Variants in FOXP2 observed in about 807,000 individuals in gnomAD.
FOXP2 encodes forkhead box protein P2.
In FOXP2, 12 loss-of-function variants were observed where a neutral mutation model predicts 115.8. That is an observed-to-expected ratio of 0.10 (90% CI 0.07 to 0.17). The LOEUF is 0.17. FOXP2 is among the 10% of genes least tolerant of loss of function. The probability of loss-of-function intolerance (pLI) is 1.00; values close to 1 mark genes in which losing one functional copy is unlikely to be tolerated. For missense variants in FOXP2, 629 were observed against 843.5 expected, an observed-to-expected ratio of 0.75 and a Z score of 3.15; for synonymous variants, 328 against 297.7, an observed-to-expected ratio of 1.10 and a Z score of -1.05.
chr7:114,333,786 G>A (rs1211002008), intron 2 of FOXP2, among the ~76,000 whole-genome samples: 1 of 152,046 alleles, frequency 6.6e-6, no homozygotes, highest in Non-Finnish European at 1.5e-5. Context: ...CATTCAGGAG[G>A]CTGAGGCAGG....
intron 1 of FOXP2, among the ~76,000 whole-genome samples, chr7:114,280,962 C>A (rs1404809060): frequency 6.6e-6 from 1 of 152,106 alleles, no homozygotes; most frequent in Non-Finnish European, 1.5e-5. Context: ...ACATGCTTAA[C>A]CTGTCCTTAA....
intron 1 of FOXP2, among the ~76,000 whole-genome samples, chr7:114,201,421 C>T (rs1794061605): frequency 6.6e-6 from 1 of 152,080 alleles, no homozygotes; most frequent in Non-Finnish European, 1.5e-5. Flanking sequence ...ATGTTCATTC[C>T]ACAACATCCC....
At chr7:114,295,255 A>G (rs968075894) in intron 2 of FOXP2, among the ~76,000 whole-genome samples, 1 of 152,176 alleles carries the variant, frequency 6.6e-6, no homozygotes, top group Non-Finnish European at 1.5e-5. Context: ...GCCCATATCA[A>G]GTATGAACCA....
chr7:114,148,558 G>T (rs1792444054), intron 1 of FOXP2, among the ~76,000 whole-genome samples: 1 of 152,120 alleles, frequency 6.6e-6, no homozygotes, highest in South Asian at 2.1e-4. Flanking sequence ...GCATTAGTTG[G>T]TGCAGAGGAA....
chr7:114,254,833 C>T (rs1463277212), intron 1 of FOXP2, among the ~76,000 whole-genome samples: 3 of 152,172 alleles, frequency 2.0e-5, no homozygotes, highest in Non-Finnish European at 1.5e-5. Context: ...CCATTGCTGG[C>T]GAGGAGCTGC....
At chr7:114,271,183 T>C (rs1796025132) in intron 1 of FOXP2, among the ~76,000 whole-genome samples, 1 of 151,928 alleles carries the variant, frequency 6.6e-6, no homozygotes, top group Non-Finnish European at 1.5e-5. Flanking sequence ...TTTTGCTGAT[T>C]CTTTCAGATT....
Position 114,423,966 on chromosome 7 carries a change from AC to A in FOXP2, c.-10-2535del, listed in dbSNP as rs1383140967. 2.0e-5 allele frequency among the ~76,000 whole-genome samples: 3 copies of A among 151,532 alleles called. No individual in the cohort carries two copies. The Admixed American group carries it at 2.0e-4, about 10-fold the overall frequency. On this transcript the variant is annotated intron_variant, in intron 1 of 16. Transcript: ENST00000350908. Reference sequence around the variant, plus strand: ...ACTCCTCTTTTGTAGAGCAAAAAGTACTATCACTGTTATAGTTTTCTTAAGC... The same window carrying A: ...ACTCCTCTTTTGTAGAGCAAAAAGTATATCACTGTTATAGTTTTCTTAAGC...
chr7:114,605,053 C>G (rs1445951623), intron 3 of FOXP2, among the ~76,000 whole-genome samples: 1 of 152,146 alleles, frequency 6.6e-6, no homozygotes, highest in Non-Finnish European at 1.5e-5. Flanking sequence ...TTTCTAAATG[C>G]TATACAAATA....
At chr7:114,182,086 T>G (rs1034675934) in intron 1 of FOXP2, among the ~76,000 whole-genome samples, 3 of 152,112 alleles carry the variant, frequency 2.0e-5, no homozygotes, top group African/African-American at 4.8e-5. Flanking sequence ...TGTTAACTTC[T>G]TTTGAACAAA....
At chr7:114,399,406 C>T (rs1284790213) in intron 2 of FOXP2, among the ~76,000 whole-genome samples, 1 of 152,124 alleles carries the variant, frequency 6.6e-6, no homozygotes, top group African/African-American at 2.4e-5. Flanking sequence ...ATGCACCCAG[C>T]CTTCACTTAT....
At chr7:114,500,813 T>C (rs903177758) in intron 2 of FOXP2, among the ~76,000 whole-genome samples, 1 of 152,202 alleles carries the variant, frequency 6.6e-6, no homozygotes, top group Non-Finnish European at 1.5e-5. Context: ...TGATTCGTAA[T>C]AGTGCAATTA....
chr7:114,315,311 G>T (rs543985546), intron 2 of FOXP2, among the ~76,000 whole-genome samples: 1 of 152,200 alleles, frequency 6.6e-6, no homozygotes, highest in South Asian at 2.1e-4. Context: ...TATTATAGAA[G>T]AGGAGTCTGA....
chr7:114,245,250 C>T (rs1795251955), intron 1 of FOXP2, among the ~76,000 whole-genome samples: 1 of 152,148 alleles, frequency 6.6e-6, no homozygotes, highest in South Asian at 2.1e-4. Flanking sequence ...AAGTGAATTA[C>T]ACAGTGCCTT....
intron 2 of FOXP2, among the ~76,000 whole-genome samples, chr7:114,371,466 T>G (rs1250862319): frequency 6.6e-6 from 1 of 151,914 alleles, no homozygotes; most frequent in Non-Finnish European, 1.5e-5. Context: ...AAATATAGAA[T>G]AAAAATAAAT....
intron 1 of FOXP2, among the ~76,000 whole-genome samples, chr7:114,150,780 C>T (rs974504283): frequency 9.9e-5 from 15 of 151,910 alleles, no homozygotes; most frequent in African/African-American, 3.4e-4. Flanking sequence ...TATCAATTTT[C>T]TCTCTTTGGC....
intron 2 of FOXP2, among the ~76,000 whole-genome samples, chr7:114,380,590 T>C (rs1792265673): frequency 6.6e-6 from 1 of 152,222 alleles, no homozygotes; most frequent in Non-Finnish European, 1.5e-5. Flanking sequence ...TTTTCTTCAT[T>C]GTCTGGAAGA....
At chr7:114,392,341 G>T (rs1792624824) in intron 2 of FOXP2, among the ~76,000 whole-genome samples, 1 of 152,178 alleles carries the variant, frequency 6.6e-6, no homozygotes, top group South Asian at 2.1e-4. Context: ...CTAGGGTGAT[G>T]CAAATATAAC....
intron 3 of FOXP2, among the ~76,000 whole-genome samples, chr7:114,566,546 C>A (rs1201091286): frequency 6.6e-6 from 1 of 152,102 alleles, no homozygotes; most frequent in Non-Finnish European, 1.5e-5. Flanking sequence ...TTCCCCTTCC[C>A]CTTCTGCTAT....
intron 2 of FOXP2, among the ~76,000 whole-genome samples, chr7:114,487,604 T>G (rs965040619): frequency 2.0e-5 from 3 of 152,114 alleles, no homozygotes; most frequent in African/African-American, 7.2e-5. Flanking sequence ...TATGCTCTGC[T>G]TCCTCTTGAA....
Sources: gnomAD v4.1 joint callset for allele counts (sites outside exome capture counted in the v4.1 genomes callset) on GRCh38, gnomAD v4.1.1 for gene constraint, MANE v1.5 for transcripts, NCBI Gene and HGNC (gene_info 2026-07-23, HGNC 2026-07-21) for gene names.